The following TMEM132D variants were observed in gnomAD, a reference collection of about 807,000 sequenced individuals.
TMEM132D encodes mature OL transmembrane protein.
TMEM132D carries 21 observed loss-of-function variants against 62.3 expected under a neutral mutation model. The ratio of observed to expected loss-of-function variants is 0.34; its 90% CI spans 0.24 to 0.49. The LOEUF (loss-of-function observed/expected upper bound fraction) is 0.49. TMEM132D is among the 20% of genes least tolerant of loss of function. TMEM132D has a pLI of 0.99. For missense variants in TMEM132D, 1,346 were observed against 1,402.8 expected (o/e 0.96, Z 0.65); for synonymous variants, 621 against 575.6 (o/e 1.08, Z -1.13).
chr12:129,536,546 C>T (rs544294149), intron 2 of TMEM132D, among the ~76,000 whole-genome samples: 107 of 152,262 alleles, frequency 7.0e-4, no homozygotes, highest in African/African-American at 2.5e-3. Flanking sequence ...TATCACATAA[C>T]ATTTTGCTTA....
chr12:129,780,471 C>A (rs1430637192), intron 1 of TMEM132D, among the ~76,000 whole-genome samples: 1 of 152,090 alleles, frequency 6.6e-6, no homozygotes, highest in Non-Finnish European at 1.5e-5. Context: ...TCCAGGAACC[C>A]AGAGCCCTCA....
intron 5 of TMEM132D, among the ~76,000 whole-genome samples, chr12:129,164,747 C>T (rs1877490664): frequency 6.6e-6 from 1 of 152,146 alleles, no homozygotes; most frequent in Non-Finnish European, 1.5e-5. Context: ...ATCACAAGAA[C>T]AACATGGGGG....
intron 2 of TMEM132D, among the ~76,000 whole-genome samples, chr12:129,540,839 T>C (rs1876564499): frequency 6.6e-6 from 1 of 152,150 alleles, no homozygotes; most frequent in African/African-American, 2.4e-5. Flanking sequence ...CTCATTATGC[T>C]GCCCAGGCTG....
intron 2 of TMEM132D, among the ~76,000 whole-genome samples, chr12:129,654,855 G>GAA (rs767654566): frequency 1.4e-4 from 22 of 152,180 alleles, no homozygotes; most frequent in Non-Finnish European, 3.2e-4. Flanking sequence ...AACAGAGAGA[G>GAA]AAACTTCTAA....
At chr12:129,531,011 C>G in intron 3 of TMEM132D, 48 bp downstream of exon 3, 2 of 1,362,512 alleles carry the variant, frequency 1.5e-6, no homozygotes, top group Non-Finnish European at 9.8e-7. Context: ...AAAAATCAGG[C>G]CACATTTGCA....
chr12:129,074,518 G>T lies in TMEM132D; in HGVS notation c.2657C>A (p.Thr886Asn), dbSNP rs150964423. The change falls in exon 9 of 9, where the codon ACC becomes AAC. Residue 886 changes from threonine to asparagine, a missense_variant. Coordinates refer to ENST00000422113, the MANE Select transcript of TMEM132D (RefSeq NM_133448.3). ...GAGGTCCACCTGGGCTGGGAAGCTG[G>T]TGAGGTCGCTGGGGATGGTCTGCAA... ...SHLQTIPSDL[T>N]SFPAQVDLPR... 4.6e-4 allele frequency: 744 copies of T among 1,614,098 alleles called. 9 individuals carry two copies. In the East Asian group the frequency reaches 0.013, roughly 28 times the overall value.
At chr12:129,209,846 T>C in intron 4 of TMEM132D, 183 bp from the exon 5 acceptor site, 1 of 753,316 alleles carries the variant, frequency 1.3e-6, no homozygotes, top group East Asian at 2.8e-5. Context: ...TGTTCTGTCC[T>C]CACCCAGATT....
intron 1 of TMEM132D, among the ~76,000 whole-genome samples, chr12:129,832,753 C>T (rs1872882591): frequency 6.6e-6 from 1 of 152,144 alleles, no homozygotes; most frequent in East Asian, 1.9e-4. Context: ...ACAAACCCGG[C>T]CATGATCTGA....
At position 129,180,497 on chromosome 12, in the gene TMEM132D, C is replaced by A. The variant is rs186972552; in HGVS notation, c.1443+29023G>T. On this transcript the variant is annotated intron_variant, in intron 5 of 8. Coordinates refer to ENST00000422113, the MANE Select transcript of TMEM132D (RefSeq NM_133448.3). Reference sequence around the variant, plus strand: ...TACTGAGCACCCACTGTATACCCTGCAGGGTTCTAGCCATCAAGAATATGA... The same window carrying A: ...TACTGAGCACCCACTGTATACCCTGAAGGGTTCTAGCCATCAAGAATATGA... 3.9e-4 allele frequency among the ~76,000 whole-genome samples: 60 copies of A among 152,308 alleles called. No individual in the cohort carries two copies. The East Asian group carries it at 0.011, about 28-fold the overall frequency.
intron 4 of TMEM132D, among the ~76,000 whole-genome samples, chr12:129,303,894 C>T (rs192831724): frequency 3.3e-5 from 5 of 152,152 alleles, no homozygotes; most frequent in Admixed American, 3.3e-4. Context: ...AGCTCCAATG[C>T]CTGAGGGCAG....
chr12:129,766,697 T>C (rs1870563862), intron 1 of TMEM132D, among the ~76,000 whole-genome samples: 1 of 152,102 alleles, frequency 6.6e-6, no homozygotes, highest in Non-Finnish European at 1.5e-5. Flanking sequence ...GAGTAACCCT[T>C]ATCCTTTATG....
At chr12:129,837,530 A>G (rs1325056020) in intron 1 of TMEM132D, among the ~76,000 whole-genome samples, 1 of 152,222 alleles carries the variant, frequency 6.6e-6, no homozygotes, top group Non-Finnish European at 1.5e-5. Flanking sequence ...ATCTTCCTCA[A>G]TGAGGCAACT....
intron 4 of TMEM132D, among the ~76,000 whole-genome samples, chr12:129,261,935 A>C (rs1382119728): frequency 6.6e-6 from 1 of 152,196 alleles, no homozygotes; most frequent in East Asian, 1.9e-4. Flanking sequence ...ATAACAGGAT[A>C]CTAAAACATA....
intron 1 of TMEM132D, among the ~76,000 whole-genome samples, chr12:129,838,858 T>C (rs1327256602): frequency 6.6e-6 from 1 of 152,140 alleles, no homozygotes; most frequent in Non-Finnish European, 1.5e-5. Context: ...ACAAGGTAAC[T>C]GATATTCCAC....
chr12:129,259,640 C>T lies in TMEM132D; in HGVS notation c.1300-49977G>A, dbSNP rs145675631. 3.0e-3 allele frequency among the ~76,000 whole-genome samples: 449 copies of T among 152,012 alleles called. 1 individual carries two copies. Among genetic ancestry groups the T allele is most frequent in the African/African-American group, 0.01 (417 of 41,442 alleles). On this transcript the variant is annotated intron_variant, in intron 4 of 8. Coordinates refer to ENST00000422113, the MANE Select transcript of TMEM132D (RefSeq NM_133448.3). ...TTAGAGTCAGGGATGGAGCTGGGAG[C>T]GAGGTAGGAGGCTCTTGCAATGGCC...
chr12:129,562,796 T>C (rs1411501135), intron 2 of TMEM132D, among the ~76,000 whole-genome samples: 2 of 152,128 alleles, frequency 1.3e-5, no homozygotes, highest in African/African-American at 4.8e-5. Flanking sequence ...TAGAATATCC[T>C]CCCAACCTTC....
At chr12:129,602,028 T>C (rs936100134) in intron 2 of TMEM132D, among the ~76,000 whole-genome samples, 2 of 152,186 alleles carry the variant, frequency 1.3e-5, no homozygotes, top group African/African-American at 4.8e-5. Flanking sequence ...CATTATCACT[T>C]GTTTTGAGTG....
chr12:129,387,549 G>A (rs1871145367), intron 3 of TMEM132D, among the ~76,000 whole-genome samples: 1 of 150,792 alleles, frequency 6.6e-6, no homozygotes, highest in Non-Finnish European at 1.5e-5. Context: ...TATGTGCCAA[G>A]ACTAACACCA....
At chr12:129,849,946 T>C (rs1190900496) in intron 1 of TMEM132D, among the ~76,000 whole-genome samples, 2 of 152,154 alleles carry the variant, frequency 1.3e-5, no homozygotes, top group African/African-American at 4.8e-5. Context: ...TCTTGTCAAA[T>C]GGATGGGGAT....
Sources: allele counts gnomAD v4.1 joint callset (sites outside exome capture counted in the v4.1 genomes callset), GRCh38; gene constraint gnomAD v4.1.1; transcripts MANE v1.5; gene names NCBI Gene and HGNC (gene_info 2026-07-23, HGNC 2026-07-21).